RNMT: variants seen among roughly 807,000 people sequenced by gnomAD.
RNMT encodes mRNA cap guanine-N(7) methyltransferase.
In RNMT, 27 loss-of-function variants were observed where a neutral mutation model predicts 56.0. The ratio of observed to expected loss-of-function variants is 0.48; its 90% CI spans 0.36 to 0.67. The LOEUF is 0.67. Ranked by LOEUF, RNMT falls within the 30% of genes least tolerant of loss-of-function variation. RNMT has a pLI of 0.00. For missense variants in RNMT, 519 were observed against 552.1 expected (o/e 0.94, Z 0.60); for synonymous variants, 184 against 176.2 (o/e 1.04, Z -0.35).
At chr18:13,727,869 T>C (rs985728162) in intron 1 of RNMT, among the ~76,000 whole-genome samples, 1 of 152,280 alleles carries the variant, frequency 6.6e-6, no homozygotes, top group Admixed American at 6.5e-5. Flanking sequence ...GCCTGGCTTA[T>C]TTCAGTTAAC....
At chr18:13,746,013 C>T (rs914829394) in intron 8 of RNMT, among the ~76,000 whole-genome samples, 1 of 152,124 alleles carries the variant, frequency 6.6e-6, no homozygotes, top group African/African-American at 2.4e-5. Flanking sequence ...CTAATAGAGC[C>T]CTCTGAAACC....
chr18:13,747,476 T>G (rs2044371821), intron 9 of RNMT, among the ~76,000 whole-genome samples: 1 of 152,192 alleles, frequency 6.6e-6, no homozygotes, highest in South Asian at 2.1e-4. Context: ...CGCCTTGGCC[T>G]CCCAAAGTAC....
chr18:13,729,591 CT>C (rs2044032787), intron 1 of RNMT, among the ~76,000 whole-genome samples: 1 of 151,992 alleles, frequency 6.6e-6, no homozygotes, highest in African/African-American at 2.4e-5. Context: ...TGTTGTTGTT[CT>C]CTGATTCAGT....
intron 7 of RNMT, 86 bp downstream of exon 7, chr18:13,741,777 C>T (rs905400620): frequency 3.7e-5 from 31 of 831,698 alleles, no homozygotes; most frequent in Middle Eastern, 3.6e-4. Flanking sequence ...TATTAAAATA[C>T]GCTATTTTAA....
intron 5 of RNMT, among the ~76,000 whole-genome samples, chr18:13,737,592 A>G (rs1429234400): frequency 6.6e-6 from 1 of 152,108 alleles, no homozygotes; most frequent in Admixed American, 6.5e-5. Flanking sequence ...TCATAGTAAG[A>G]TTAATAAGCC....
At chr18:13,741,470 T>C in intron 6 of RNMT, 40 bp from the exon 7 acceptor site, 3 of 1,442,400 alleles carry the variant, frequency 2.1e-6, no homozygotes, top group Non-Finnish European at 2.9e-6. Context: ...ATCTTTGTTG[T>C]AGTTACCTCA....
intron 5 of RNMT, among the ~76,000 whole-genome samples, chr18:13,738,210 G>A (rs1191735963): frequency 6.6e-6 from 1 of 152,098 alleles, no homozygotes; most frequent in Non-Finnish European, 1.5e-5. Context: ...AAGCTTTTTT[G>A]TATGTAATTA....
At chr18:13,733,298 T>G (rs1239431650) in intron 3 of RNMT, among the ~76,000 whole-genome samples, 1 of 152,134 alleles carries the variant, frequency 6.6e-6, no homozygotes, top group African/African-American at 2.4e-5. Context: ...AAGCACAAAT[T>G]GAAAACTGTT....
Position 13,742,667 on chromosome 18 carries a change from A to G in RNMT, c.1139+15A>G. 1 of 1,589,998 alleles carries G rather than the reference A, an allele frequency of 6.3e-7. No homozygotes were observed. The highest frequency in any genetic ancestry group is 1.8e-5 in the Admixed American group (1 of 56,666). ...TTGCTAAATGAGTAAGAAGTCATTAATCTGTTCACTCTTTTCTTTTTGTCT... is the reference window on the plus strand; with the variant it reads ...TTGCTAAATGAGTAAGAAGTCATTAGTCTGTTCACTCTTTTCTTTTTGTCT... On this transcript the variant is annotated intron_variant, in intron 8 of 11. Transcript: ENST00000383314.
At chr18:13,730,290 A>G (rs1180473864) in intron 1 of RNMT, 1 of 152,210 alleles carries the variant, frequency 6.6e-6, no homozygotes, top group Non-Finnish European at 1.5e-5. Flanking sequence ...TATTTGAAAG[A>G]GACTTAATGG....
At position 13,743,963 on chromosome 18, in the gene RNMT, T is replaced by G. The variant is rs545027186; in HGVS notation, c.1139+1311T>G. ...ATATCAATTACATTTTCCTTTTAATTTTTAAAACTAATAAACTGGGGAAAT... is the reference window on the plus strand; with the variant it reads ...ATATCAATTACATTTTCCTTTTAATGTTTAAAACTAATAAACTGGGGAAAT... On this transcript the variant is annotated intron_variant, in intron 8 of 11. Transcript: ENST00000383314. Among the ~76,000 whole-genome samples the G allele has an allele frequency of 9.9e-5, 15 of 152,126 alleles. 1 individual carries two copies. The East Asian group carries it at 2.9e-3, about 29-fold the overall frequency.
intron 8 of RNMT, 64 bp from the exon 9 acceptor site, chr18:13,746,156 A>G (rs978134688): frequency 2.4e-6 from 2 of 840,258 alleles, no homozygotes; most frequent in Non-Finnish European, 1.9e-6. Context: ...ATTGCTGTAC[A>G]AAAGTAAGTT....
chr18:13,755,954 G>A (rs1037841033), intron 11 of RNMT, among the ~76,000 whole-genome samples: 1 of 152,240 alleles, frequency 6.6e-6, no homozygotes, highest in Non-Finnish European at 1.5e-5. Flanking sequence ...GACATGCGAA[G>A]AGAGCAGTGG....
intron 11 of RNMT, among the ~76,000 whole-genome samples, chr18:13,757,240 C>G (rs2044558100): frequency 6.6e-6 from 1 of 152,064 alleles, no homozygotes; most frequent in Non-Finnish European, 1.5e-5. Flanking sequence ...CGGAAATACT[C>G]TTGATGGATG....
chr18:13,731,332 C>G, intron 2 of RNMT, 144 bp from the exon 3 acceptor site: 1 of 416,858 alleles, frequency 2.4e-6, no homozygotes, highest in Non-Finnish European at 4.2e-6. Context: ...CACTTGAACC[C>G]CAGAGGCGGA....
chr18:13,763,023 G>A lies in RNMT; in HGVS notation c.*3044G>A, dbSNP rs188966963. ...TATCTCAAGCCAGTCACCACAGAGG[G>A]TCTCTAGGGTCTGCAAAATAGAGGC... On this transcript the variant is annotated 3_prime_UTR_variant, in exon 12 of 12. Transcript: ENST00000383314. 1.8e-4 allele frequency: 82 copies of A among 455,574 alleles called. No individual in the cohort carries two copies. Among genetic ancestry groups the A allele is most frequent in the African/African-American group, 1.4e-3 (72 of 50,168 alleles). The allele number at this position is 455,574 out of a possible 1,614,324, so 28.2% of individuals were successfully genotyped here. A position where few individuals can be genotyped will look rare whatever the true frequency, so the allele number is the denominator to read the frequency against.
intron 8 of RNMT, among the ~76,000 whole-genome samples, chr18:13,745,465 T>C (rs972100634): frequency 1.3e-5 from 2 of 152,210 alleles, no homozygotes; most frequent in African/African-American, 4.8e-5. Flanking sequence ...GACTTAGTGA[T>C]GTGTATTGAG....
At chr18:13,737,984 A>C (rs1281935952) in intron 5 of RNMT, among the ~76,000 whole-genome samples, 1 of 152,090 alleles carries the variant, frequency 6.6e-6, no homozygotes, top group Non-Finnish European at 1.5e-5. Flanking sequence ...ATTAAGGGAA[A>C]AGTCGATAGT....
At chr18:13,738,073 G>A (rs555338444) in intron 5 of RNMT, among the ~76,000 whole-genome samples, 1 of 152,014 alleles carries the variant, frequency 6.6e-6, no homozygotes, top group African/African-American at 2.4e-5. Flanking sequence ...AGACGTCAGC[G>A]TCTTTCTGAT....
Sources: gnomAD v4.1 joint callset for allele counts (sites outside exome capture counted in the v4.1 genomes callset) on GRCh38, gnomAD v4.1.1 for gene constraint, MANE v1.5 for transcripts, NCBI Gene and HGNC (gene_info 2026-07-23, HGNC 2026-07-21) for gene names.